Variants in FHIT observed in about 807,000 individuals in gnomAD.
FHIT encodes the protein fragile histidine triad diadenosine triphosphatase.
A neutral mutation model predicts 17.9 loss-of-function variants in FHIT; 19 were observed. The observed-to-expected ratio is 1.06, with a 90% CI of 0.74 to 1.56. The LOEUF (loss-of-function observed/expected upper bound fraction) is 1.56. Among genes scored for constraint, FHIT ranks in the 40% most tolerant of loss-of-function variants. The pLI is 0.00. For missense variants in FHIT, 248 were observed against 189.2 expected, an observed-to-expected ratio of 1.31 and a Z score of -1.82; for synonymous variants, 81 against 69.7, an observed-to-expected ratio of 1.16 and a Z score of -0.81.
chr3:59,803,408 G>C (rs767321532), intron 8 of FHIT, among the ~76,000 whole-genome samples: 2 of 152,184 alleles, frequency 1.3e-5, no homozygotes, highest in Non-Finnish European at 2.9e-5. Flanking sequence ...ACCTGGGTGA[G>C]CGGGCTTGCT....
At chr3:60,022,858 T>C (rs984159097) in intron 5 of FHIT, among the ~76,000 whole-genome samples, 14 of 152,214 alleles carry the variant, frequency 9.2e-5, no homozygotes, top group Non-Finnish European at 1.9e-4. Context: ...TTCTTAATGA[T>C]ATAGAAGTCA....
At chr3:60,581,872 C>A (rs181037637) in intron 4 of FHIT, among the ~76,000 whole-genome samples, 2 of 152,030 alleles carry the variant, frequency 1.3e-5, no homozygotes, top group African/African-American at 2.4e-5. Flanking sequence ...TCTTTATTAG[C>A]AAGCAAATGA....
At chr3:60,709,438 C>G (rs1451977212) in intron 4 of FHIT, among the ~76,000 whole-genome samples, 1 of 152,140 alleles carries the variant, frequency 6.6e-6, no homozygotes. Flanking sequence ...TGCATCAAAA[C>G]TTAACAAATG....
intron 5 of FHIT, among the ~76,000 whole-genome samples, chr3:60,277,781 C>T (rs1158599981): frequency 6.6e-6 from 1 of 152,146 alleles, no homozygotes; most frequent in Non-Finnish European, 1.5e-5. Flanking sequence ...GCCTATTAAT[C>T]CTCAGCTCCC....
intron 5 of FHIT, among the ~76,000 whole-genome samples, chr3:60,157,326 C>T (rs1021806925): frequency 1.3e-5 from 2 of 152,048 alleles, no homozygotes; most frequent in Non-Finnish European, 2.9e-5. Flanking sequence ...TTAAATCTAC[C>T]GCAACGTGGA....
At chr3:60,899,310 C>CT (rs1705984610) in intron 3 of FHIT, among the ~76,000 whole-genome samples, 1 of 152,196 alleles carries the variant, frequency 6.6e-6, no homozygotes, top group Non-Finnish European at 1.5e-5. Flanking sequence ...TCTTTTTACA[C>CT]TTCCTGTGAA....
chr3:60,354,252 T>C (rs1463901866), intron 5 of FHIT, among the ~76,000 whole-genome samples: 1 of 152,204 alleles, frequency 6.6e-6, no homozygotes, highest in African/African-American at 2.4e-5. Flanking sequence ...ACATTAATAG[T>C]ATTAGTCATT....
intron 5 of FHIT, among the ~76,000 whole-genome samples, chr3:60,353,609 G>A (rs1699515469): frequency 6.6e-6 from 1 of 152,062 alleles, no homozygotes; most frequent in African/African-American, 2.4e-5. Context: ...ACAAAAAAGT[G>A]AGATTTTTTA....
chr3:59,787,883 T>G (rs1472116271), intron 8 of FHIT, among the ~76,000 whole-genome samples: 1 of 152,176 alleles, frequency 6.6e-6, no homozygotes, highest in African/African-American at 2.4e-5. Flanking sequence ...GTTATCTTGT[T>G]TTCTACAAAC....
At chr3:61,212,527 T>C (rs911071084) in intron 1 of FHIT, among the ~76,000 whole-genome samples, 2 of 152,194 alleles carry the variant, frequency 1.3e-5, no homozygotes, top group African/African-American at 4.8e-5. Context: ...TACGTCTGAT[T>C]GGTGTACCTG....
chr3:60,374,813 T>C (rs1371062122), intron 5 of FHIT, among the ~76,000 whole-genome samples: 1 of 152,082 alleles, frequency 6.6e-6, no homozygotes, highest in Non-Finnish European at 1.5e-5. Context: ...TGGCTGTGTG[T>C]TTTTTAAAAA....
chr3:60,889,034 ACCTACTCCACCCCGACTCATTCCAATT>A (rs1251063587), intron 3 of FHIT, among the ~76,000 whole-genome samples: 2 of 152,186 alleles, frequency 1.3e-5, no homozygotes, highest in East Asian at 1.9e-4. Flanking sequence ...TTTTTCGATT[ACCTACTCCACCCCGACTCATTCCAATT>A]CCTACTCCAC....
chr3:59,955,912 G>A (rs766663191), intron 7 of FHIT, among the ~76,000 whole-genome samples: 7 of 152,078 alleles, frequency 4.6e-5, no homozygotes, highest in Non-Finnish European at 8.8e-5. Context: ...CCCAGCAACC[G>A]CCATGGTGTG....
At chr3:61,042,949 A>G (rs963397688) in intron 2 of FHIT, among the ~76,000 whole-genome samples, 2 of 152,208 alleles carry the variant, frequency 1.3e-5, no homozygotes, top group Admixed American at 1.3e-4. Flanking sequence ...ACAGAAACAA[A>G]TTAAAACATA....
At chr3:60,620,251 ATGAAACG>A (rs1376880000) in intron 4 of FHIT, among the ~76,000 whole-genome samples, 3 of 152,190 alleles carry the variant, frequency 2.0e-5, no homozygotes, top group African/African-American at 7.2e-5. Flanking sequence ...ATTTTACAAA[ATGAAACG>A]TACTCTTACC....
intron 8 of FHIT, among the ~76,000 whole-genome samples, chr3:59,808,800 AT>A (rs1225823995): frequency 6.6e-6 from 1 of 152,212 alleles, no homozygotes; most frequent in African/African-American, 2.4e-5. Flanking sequence ...GGGCAATAAA[AT>A]TAGCTACAAA....
At chr3:60,768,199 GA>G (rs1336258301) in intron 4 of FHIT, among the ~76,000 whole-genome samples, 1 of 152,144 alleles carries the variant, frequency 6.6e-6, no homozygotes, top group Non-Finnish European at 1.5e-5. Flanking sequence ...ACACTGCCTG[GA>G]AAAATAGTTG....
At chr3:61,059,630 C>T (rs555940279) in intron 2 of FHIT, among the ~76,000 whole-genome samples, 12 of 152,180 alleles carry the variant, frequency 7.9e-5, no homozygotes, top group African/African-American at 2.9e-4. Context: ...TCAGGTCCCT[C>T]AAACCTCCTT....
chr3:60,155,329 G>C lies in FHIT; in HGVS notation c.104-141177C>G, dbSNP rs562069564. ...TGAACCCTGAATTGCTCCACCAGCA[G>C]GTTCAAGCCAGCAACAGATCCTGAA... On this transcript the variant is annotated intron_variant, in intron 5 of 9. Transcript: ENST00000492590. Among the ~76,000 whole-genome samples the C allele has an allele frequency of 4.6e-5, 7 of 152,248 alleles. No homozygotes were observed. The East Asian group carries it at 1.4e-3, about 29-fold the overall frequency.
Sources: allele counts gnomAD v4.1 joint callset (sites outside exome capture counted in the v4.1 genomes callset), GRCh38; gene constraint gnomAD v4.1.1; transcripts MANE v1.5; gene names NCBI Gene and HGNC (gene_info 2026-07-23, HGNC 2026-07-21).